Variants in DNER observed in about 807,000 individuals in gnomAD.
DNER encodes delta and Notch-like epidermal growth factor-related receptor.
In DNER, 33 loss-of-function variants were observed where a neutral mutation model predicts 78.2. The ratio of observed to expected loss-of-function variants is 0.42; its 90% CI spans 0.32 to 0.56. DNER has a LOEUF of 0.56. DNER is among the 20% of genes least tolerant of loss of function. The pLI is 0.11. For missense variants in DNER, 918 were observed against 975.3 expected, an observed-to-expected ratio of 0.94 and a Z score of 0.78; for synonymous variants, 417 against 384.8, an observed-to-expected ratio of 1.08 and a Z score of -0.98.
intron 4 of DNER, among the ~76,000 whole-genome samples, chr2:229,566,925 TCA>T (rs1378850223): frequency 1.3e-5 from 2 of 152,196 alleles, no homozygotes; most frequent in African/African-American, 4.8e-5. Flanking sequence ...CAATGCCTCC[TCA>T]TTGTCACTAG....
intron 9 of DNER, among the ~76,000 whole-genome samples, chr2:229,415,039 G>A (rs966099220): frequency 1.3e-5 from 2 of 152,116 alleles, no homozygotes; most frequent in Admixed American, 6.5e-5. Flanking sequence ...GTGAATGCCT[G>A]TAATCCCAGC....
At chr2:229,690,703 T>C (rs1699556586) in intron 1 of DNER, among the ~76,000 whole-genome samples, 1 of 152,148 alleles carries the variant, frequency 6.6e-6, no homozygotes. Flanking sequence ...CTTGTGGAGA[T>C]TAAGTTCCAG....
chr2:229,621,322 G>A (rs768116039), intron 1 of DNER, among the ~76,000 whole-genome samples: 1 of 152,136 alleles, frequency 6.6e-6, no homozygotes, highest in African/African-American at 2.4e-5. Context: ...GTTGAAAATT[G>A]TATTCACCTG....
At chr2:229,384,324 G>A (rs1398801027) in intron 11 of DNER, among the ~76,000 whole-genome samples, 6 of 152,076 alleles carry the variant, frequency 3.9e-5, no homozygotes, top group Admixed American at 2.0e-4. Flanking sequence ...ATCTAAAATC[G>A]ATACCCTAAC....
intron 10 of DNER, among the ~76,000 whole-genome samples, chr2:229,400,641 G>C (rs1240372793): frequency 1.3e-5 from 2 of 151,824 alleles, no homozygotes; most frequent in African/African-American, 2.4e-5. Context: ...CCAAAGTATT[G>C]GATTATAACC....
chr2:229,492,214 T>C (rs1272543443), intron 6 of DNER, among the ~76,000 whole-genome samples: 1 of 152,138 alleles, frequency 6.6e-6, no homozygotes, highest in African/African-American at 2.4e-5. Flanking sequence ...ACTCCTTATG[T>C]TAAAGATGAG....
intron 1 of DNER, among the ~76,000 whole-genome samples, chr2:229,693,093 G>C (rs1699607735): frequency 6.6e-6 from 1 of 151,846 alleles, no homozygotes; most frequent in South Asian, 2.1e-4. Flanking sequence ...TCATGGGAGG[G>C]ACCCAGTGGG....
intron 4 of DNER, among the ~76,000 whole-genome samples, chr2:229,547,387 C>T (rs1696648152): frequency 6.6e-6 from 1 of 152,208 alleles, no homozygotes; most frequent in Non-Finnish European, 1.5e-5. Context: ...GCTTTGCTCC[C>T]GCCCTTGCCC....
chr2:229,699,856 A>T (rs192436233), intron 1 of DNER, among the ~76,000 whole-genome samples: 1 of 152,304 alleles, frequency 6.6e-6, no homozygotes, highest in African/African-American at 2.4e-5. Context: ...AATCTGGCTA[A>T]ATAAGAACCA....
intron 4 of DNER, among the ~76,000 whole-genome samples, chr2:229,565,134 A>C (rs1697079379): frequency 6.6e-6 from 1 of 152,176 alleles, no homozygotes; most frequent in Non-Finnish European, 1.5e-5. Flanking sequence ...CACTCAATGT[A>C]CGGCAGGTCC....
At chr2:229,582,882 A>C (rs891038007) in intron 4 of DNER, among the ~76,000 whole-genome samples, 2 of 151,632 alleles carry the variant, frequency 1.3e-5, no homozygotes, top group Non-Finnish European at 1.5e-5. Flanking sequence ...CGCGTGATCC[A>C]CCCGCCTCAG....
chr2:229,378,003 AAAG>A (rs774410954), intron 11 of DNER, among the ~76,000 whole-genome samples: 3 of 152,180 alleles, frequency 2.0e-5, no homozygotes, highest in Non-Finnish European at 4.4e-5. Flanking sequence ...CTAATAAGTG[AAAG>A]AAGGAGGTAG....
intron 1 of DNER, among the ~76,000 whole-genome samples, chr2:229,708,485 T>C (rs922453379): frequency 1.3e-5 from 2 of 152,196 alleles, no homozygotes; most frequent in Non-Finnish European, 2.9e-5. Context: ...CTGCAAACCT[T>C]TGCCACATTG....
chr2:229,616,444 C>G (rs1313970234), intron 1 of DNER, among the ~76,000 whole-genome samples: 1 of 152,076 alleles, frequency 6.6e-6, no homozygotes. Flanking sequence ...ATAAAGTGGT[C>G]ACTTCTGATC....
intron 1 of DNER, among the ~76,000 whole-genome samples, chr2:229,653,538 A>G (rs1698857756): frequency 6.6e-6 from 1 of 152,152 alleles, no homozygotes; most frequent in Non-Finnish European, 1.5e-5. Context: ...TTCTTTTTAT[A>G]AACACATATG....
intron 4 of DNER, among the ~76,000 whole-genome samples, chr2:229,581,562 C>T (rs1290238422): frequency 6.6e-6 from 1 of 152,164 alleles, no homozygotes; most frequent in Non-Finnish European, 1.5e-5. Context: ...AGTTGAGGCA[C>T]AGAGGGAAGA....
chr2:229,575,710 C>T (rs575085099), intron 4 of DNER, among the ~76,000 whole-genome samples: 79 of 152,216 alleles, frequency 5.2e-4, no homozygotes, highest in Non-Finnish European at 9.1e-4. Context: ...CAGGGACAGA[C>T]GTATCCAGAA....
chr2:229,358,614 T>C lies in DNER; in HGVS notation c.2140A>G (p.Ser714Gly). 1 of 1,614,006 alleles carries C rather than the reference T, an allele frequency of 6.2e-7. No homozygotes were observed. Among genetic ancestry groups the C allele is most frequent in the Middle Eastern group, 1.6e-4 (1 of 6,062 alleles). ...KKSRPAMYDV[S>G]PIAYEDYSPD... is the part of the protein sequence containing the mutation. The stretch of plus-strand genomic sequence containing the variant: ...CTGTAATCTTCATAGGCGATGGGGC[T>C]CACATCATACATTGCAGGCCGGGAT... The change falls in exon 13 of 13, where the codon AGC becomes GGC. Residue 714 changes from serine to glycine, a missense_variant. By Grantham distance (56) the Ser-to-Gly change is moderately conservative (BLOSUM62 0). Transcript: ENST00000341772.
At chr2:229,548,596 C>T (rs7419293) in intron 4 of DNER, among the ~76,000 whole-genome samples, 12 of 150,856 alleles carry the variant, frequency 8.0e-5, no homozygotes, top group Admixed American at 2.0e-4. Context: ...CTGTCAGGGG[C>T]GGGGGTGAGT....
Sources: allele counts gnomAD v4.1 joint callset (sites outside exome capture counted in the v4.1 genomes callset), GRCh38; gene constraint gnomAD v4.1.1; transcripts MANE v1.5; gene names NCBI Gene and HGNC (gene_info 2026-07-23, HGNC 2026-07-21).